OTUD3: variants seen among roughly 807,000 people sequenced by gnomAD.
The protein encoded by OTUD3 is OTU domain-containing protein 3.
OTUD3 carries 24 observed loss-of-function variants against 46.2 expected under a neutral mutation model. The observed-to-expected ratio is 0.52, with a 90% confidence interval of 0.38 to 0.73. OTUD3 has a LOEUF of 0.73. OTUD3 is among the 30% of genes least tolerant of loss of function. The pLI is 0.00. For synonymous variants in OTUD3, 189 were observed against 195.4 expected, an observed-to-expected ratio of 0.97 and a Z score of 0.27; for missense variants, 455 against 523.3, an observed-to-expected ratio of 0.87 and a Z score of 1.27.
chr1:19,884,393 TAC>T (rs1214339879), intron 1 of OTUD3, among the ~76,000 whole-genome samples: 1 of 152,160 alleles, frequency 6.6e-6, no homozygotes, highest in East Asian at 1.9e-4. Flanking sequence ...CACACCCCCA[TAC>T]ACACACAGCA....
chr1:19,902,773 C>T (rs1035524710), intron 4 of OTUD3, among the ~76,000 whole-genome samples: 20 of 151,950 alleles, frequency 1.3e-4, no homozygotes, highest in Middle Eastern at 3.4e-3. Flanking sequence ...AGAATTATAT[C>T]ATCTACAAAG....
intron 2 of OTUD3, among the ~76,000 whole-genome samples, chr1:19,892,659 T>G (rs975692566): frequency 6.6e-6 from 1 of 152,168 alleles, no homozygotes; most frequent in African/African-American, 2.4e-5. Context: ...TTACATGTTA[T>G]CACTCTACCT....
Position 19,906,531 on chromosome 1 carries a change from G to T in OTUD3, c.935G>T (p.Gly312Val). Reference sequence around the variant, plus strand: ...GGTGCCAGAATCTTTGGAAATCAGGGCTTAAATGAAGGCAGGACCGAAAAC... The same window carrying T: ...GGTGCCAGAATCTTTGGAAATCAGGTCTTAAATGAAGGCAGGACCGAAAAC... ...GSGARIFGNQGLNEGRTENNK... is the reference protein window; with the variant it reads ...GSGARIFGNQVLNEGRTENNK... The change falls in exon 7 of 8, where the codon GGC (glycine) becomes GTC (valine). Residue 312 changes from glycine (G) to valine (V), a missense_variant. By Grantham distance (109) the Gly-to-Val change is moderately radical. Transcript: ENST00000375120. 1 of 1,613,950 alleles carries T rather than the reference G, an allele frequency of 6.2e-7. No homozygotes were observed. Among genetic ancestry groups the T allele is most frequent in the Non-Finnish European group, 8.5e-7 (1 of 1,180,004 alleles).
intron 1 of OTUD3, among the ~76,000 whole-genome samples, chr1:19,884,121 A>G (rs1487304206): frequency 1.3e-5 from 2 of 152,242 alleles, no homozygotes; most frequent in Non-Finnish European, 2.9e-5. Context: ...CATAAGCCCA[A>G]GACACCCTTA....
In OTUD3 at chr1:19,909,976, A is replaced by G. The variant is rs2045713757; in HGVS notation, c.*2230A>G. ...TGGTCTGTTTAGTGTGTTAATTATT[A>G]GGAATCGGGTACATGCATCCAACTT... On this transcript the variant is annotated 3_prime_UTR_variant, in exon 8 of 8. Transcript: ENST00000375120. 6.6e-6 allele frequency: 1 copy of G among 152,386 alleles called. No individual in the cohort carries two copies. Among genetic ancestry groups the G allele is most frequent in the African/African-American group, 2.4e-5 (1 of 41,476 alleles). The allele number at this position is 152,386 out of a possible 1,614,324, so 9.4% of individuals were successfully genotyped here. A position where few individuals can be genotyped will look rare whatever the true frequency, so the allele number is the denominator to read the frequency against.
rs983389154 is a variant in OTUD3 at position 19,902,993 on chromosome 1, TCACCACTATAAGTAA to T, written c.607-1270_607-1256del. Among the ~76,000 whole-genome samples, 15 of 152,034 alleles carry T rather than the reference TCACCACTATAAGTAA, an allele frequency of 9.9e-5. No homozygotes were observed. The South Asian group carries it at 2.7e-3, about 27-fold the overall frequency. ...AAGCCTTTGGGTGGTTTCCAGTTATTCACCACTATAAGTAACACTGTTAGCACTTTTACCTGAATC... is the reference window on the plus strand; with the variant it reads ...AAGCCTTTGGGTGGTTTCCAGTTATTCACTGTTAGCACTTTTACCTGAATC... On this transcript the variant is annotated intron_variant, in intron 4 of 7. Coordinates refer to ENST00000375120, the MANE Select transcript of OTUD3 (RefSeq NM_015207.2).
rs1420810680 is a variant in OTUD3 at position 19,893,224 on chromosome 1, C to T, written c.371-1144C>T. On this transcript the variant is annotated intron_variant, in intron 2 of 7. Transcript: ENST00000375120. ...AGAACACAGTCCTTGCATGACTTCCCTCAACTTTTGGTACCATCTACAAGT... is the reference window on the plus strand; with the variant it reads ...AGAACACAGTCCTTGCATGACTTCCTTCAACTTTTGGTACCATCTACAAGT... Among the ~76,000 whole-genome samples the T allele has an allele frequency of 2.6e-5, 4 of 152,294 alleles. 1 individual carries two copies. In the East Asian group the frequency reaches 5.8e-4, roughly 22 times the overall value.
At position 19,890,244 on chromosome 1, in the gene OTUD3, A is replaced by G. The variant is rs571448325; in HGVS notation, c.222-141A>G. 10 of 764,868 alleles carry G rather than the reference A, an allele frequency of 1.3e-5. No homozygotes were observed. In the East Asian group the frequency reaches 2.3e-4, roughly 18 times the overall value. 47.4% of individuals were successfully genotyped at this position (764,868 alleles called of 1,614,324 possible). A position where few individuals can be genotyped will look rare whatever the true frequency, so the allele number is the denominator to read the frequency against. On this transcript the variant is annotated intron_variant, in intron 1 of 7. Coordinates refer to ENST00000375120, the MANE Select transcript of OTUD3 (RefSeq NM_015207.2). ...TCATGCTGTCCCCCGTGGTCTTGGA[A>G]GAATCCTGGACTATTAGAGTTGAGT...
At position 19,886,357 on chromosome 1, in the gene OTUD3, A is replaced by T. The variant is rs142139906; in HGVS notation, c.221+3623A>T. Among the ~76,000 whole-genome samples the T allele has an allele frequency of 5.1e-4, 78 of 152,300 alleles. 1 individual carries two copies. In the East Asian group the frequency reaches 0.014, roughly 27 times the overall value. On this transcript the variant is annotated intron_variant, in intron 1 of 7. Transcript: ENST00000375120. ...TTAGCTGTTTATCTTATTACTAACA[A>T]GTAGTTTATTTTTTAGTTTTGTTTT... is the stretch of plus-strand genomic sequence containing the variant.
Position 19,895,543 on chromosome 1 carries a change from G to A in OTUD3, c.483+1063G>A, listed in dbSNP as rs755746745. ...TTAAAGAATGCAGCCTTTTGTCCCT[G>A]GCACAGTGTCCTTTTAACAAAACTA... On this transcript the variant is annotated intron_variant, in intron 3 of 7. Coordinates refer to ENST00000375120, the MANE Select transcript of OTUD3 (RefSeq NM_015207.2). Among the ~76,000 whole-genome samples the A allele has an allele frequency of 2.3e-4, 35 of 152,272 alleles. 1 individual carries two copies. The highest frequency in any genetic ancestry group is 3.4e-3 in the Middle Eastern group (1 of 294).
chr1:19,891,834 T>G (rs1471497011), intron 2 of OTUD3, among the ~76,000 whole-genome samples: 1 of 152,198 alleles, frequency 6.6e-6, no homozygotes, highest in Non-Finnish European at 1.5e-5. Context: ...ATCACTGAGT[T>G]CAGATGGTCC....
chr1:19,901,724 A>G (rs1244401051), intron 4 of OTUD3, among the ~76,000 whole-genome samples: 1 of 152,184 alleles, frequency 6.6e-6, no homozygotes, highest in Non-Finnish European at 1.5e-5. Context: ...CTTCTTCTCT[A>G]TGAATTTGCC....
chr1:19,899,476 GTGTTCTGTTCTGTAGA>G (rs2045559630), intron 4 of OTUD3, among the ~76,000 whole-genome samples: 1 of 152,208 alleles, frequency 6.6e-6, no homozygotes, highest in Non-Finnish European at 1.5e-5. Flanking sequence ...AGGCTGCGTA[GTGTTCTGTTCTGTAGA>G]TGCATTATAA....
rs1233420638 is a variant in OTUD3 at position 19,904,885 on chromosome 1, G to A, written c.739-6G>A. 7.1e-7 allele frequency: 1 copy of A among 1,405,674 alleles called. No homozygotes were observed. The highest frequency in any genetic ancestry group is 1.4e-5 in the African/African-American group (1 of 69,888). 87.1% of individuals were successfully genotyped at this position (1,405,674 alleles called of 1,614,324 possible). A position where few individuals can be genotyped will look rare whatever the true frequency, so the allele number is the denominator to read the frequency against. On this transcript the variant is annotated splice_polypyrimidine_tract_variant and splice_region_variant and intron_variant, in intron 5 of 7. Coordinates refer to ENST00000375120, the MANE Select transcript of OTUD3 (RefSeq NM_015207.2). ...TGGTTTTTTTGTTTGTTTGTTTCTT[G>A]GATAGGATTTTAATTTAATAGTCCA...
chr1:19,890,276 C>T (rs2045428551), intron 1 of OTUD3, 109 bp from the exon 2 acceptor site: 4 of 1,099,046 alleles, frequency 3.6e-6, no homozygotes, highest in Non-Finnish European at 5.4e-6. Context: ...GAGTCTTTAC[C>T]TCTGTGTGCA....
chr1:19,894,261 A>G (rs1157340492), intron 2 of OTUD3, 107 bp from the exon 3 acceptor site: 2 of 612,364 alleles, frequency 3.3e-6, no homozygotes, highest in Admixed American at 3.3e-5. Context: ...CTTCTCAGAT[A>G]TATATCGTTG....
At chr1:19,884,946 T>C (rs2045336093) in intron 1 of OTUD3, among the ~76,000 whole-genome samples, 1 of 152,178 alleles carries the variant, frequency 6.6e-6, no homozygotes, top group Non-Finnish European at 1.5e-5. Flanking sequence ...GGCCAGGAAG[T>C]CCTTCTCGTT....
Position 19,908,805 on chromosome 1 carries a change from A to C in OTUD3, c.*1059A>C, listed in dbSNP as rs1310313057. 6.6e-6 allele frequency: 1 copy of C among 152,332 alleles called. No individual in the cohort carries two copies. The highest frequency in any genetic ancestry group is 1.5e-5 in the Non-Finnish European group (1 of 68,034). The allele number at this position is 152,332 out of a possible 1,614,324, so 9.4% of individuals were successfully genotyped here. On this transcript the variant is annotated 3_prime_UTR_variant, in exon 8 of 8. Transcript: ENST00000375120. ...TTAAATCTTATAAAATGCTACATTT[A>C]TTTCTTTTTATTTAAGCCCTGTTTG...
chr1:19,905,589 A>G (rs937814927), intron 6 of OTUD3, among the ~76,000 whole-genome samples: 10 of 151,734 alleles, frequency 6.6e-5, no homozygotes, highest in African/African-American at 2.4e-4. Context: ...AAAAATACAA[A>G]AATTAGCTGG....
Sources: gnomAD v4.1 joint callset for allele counts (sites outside exome capture counted in the v4.1 genomes callset) on GRCh38, gnomAD v4.1.1 for gene constraint, MANE v1.5 for transcripts, NCBI Gene and HGNC (gene_info 2026-07-23, HGNC 2026-07-21) for gene names.